DEPDC1B: variants seen among roughly 807,000 people sequenced by gnomAD.
DEPDC1B encodes DEP domain containing 1B.
A neutral mutation model predicts 66.5 loss-of-function variants in DEPDC1B; 51 were observed. The observed-to-expected ratio is 0.77, with a 90% CI of 0.61 to 0.97. DEPDC1B has a LOEUF of 0.97. DEPDC1B is among the 50% of genes least tolerant of loss of function. The pLI, the probability that DEPDC1B is intolerant of heterozygous loss-of-function variation, is 0.00. For synonymous variants in DEPDC1B, 226 were observed against 223.6 expected (o/e 1.01, Z -0.10); for missense variants, 552 against 637.1 (o/e 0.87, Z 1.44).
chr5:60,641,349 CTTT>C (rs11326495), intron 6 of DEPDC1B, among the ~76,000 whole-genome samples: 14 of 128,616 alleles, frequency 1.1e-4, no homozygotes, highest in Admixed American at 1.6e-4. Flanking sequence ...TGATCAACTT[CTTT>C]TTTTTTTTTT....
intron 9 of DEPDC1B, among the ~76,000 whole-genome samples, chr5:60,602,188 G>A (rs1472015290): frequency 6.7e-6 from 1 of 149,576 alleles, no homozygotes; most frequent in Non-Finnish European, 1.5e-5. Flanking sequence ...GGGAGGGTGG[G>A]GAGGGAAGAG....
At chr5:60,645,421 C>CAGA (rs751535952) in intron 4 of DEPDC1B, 71 bp downstream of exon 4, 26 of 1,375,546 alleles carry the variant, frequency 1.9e-5, no homozygotes, top group Non-Finnish European at 2.4e-5. Flanking sequence ...ATTAAATATG[C>CAGA]AGAGAGTGAA....
intron 2 of DEPDC1B, among the ~76,000 whole-genome samples, chr5:60,678,207 C>G (rs73759370): frequency 0.019 from 2,855 of 151,984 alleles, 108 homozygotes; most frequent in African/African-American, 0.066. Context: ...AATCAAGAAA[C>G]AGAACTATTC....
intron 7 of DEPDC1B, among the ~76,000 whole-genome samples, chr5:60,621,660 G>A (rs1031995269): frequency 6.6e-6 from 1 of 152,038 alleles, no homozygotes; most frequent in African/African-American, 2.4e-5. Context: ...TTGTGCACAT[G>A]TACCCTAGAA....
rs1368618258 is a variant in DEPDC1B, at chr5:60,634,806, A to G, written c.898+3944T>C. Among the ~76,000 whole-genome samples, 3 of 152,236 alleles carry G rather than the reference A, an allele frequency of 2.0e-5. No homozygotes were observed. The South Asian group carries it at 6.2e-4, about 32-fold the overall frequency. ...TTTAATGAGTACCTAACTCCACTTTATTCTGACAATCTTGGTAGGCAGCAA... is the reference window on the plus strand; with the variant it reads ...TTTAATGAGTACCTAACTCCACTTTGTTCTGACAATCTTGGTAGGCAGCAA... On this transcript the variant is annotated intron_variant, in intron 7 of 10. Coordinates refer to ENST00000265036, the MANE Select transcript of DEPDC1B (RefSeq NM_018369.3).
intron 7 of DEPDC1B, among the ~76,000 whole-genome samples, chr5:60,621,480 A>G (rs1284952248): frequency 1.3e-5 from 2 of 151,944 alleles, no homozygotes; most frequent in African/African-American, 4.8e-5. Flanking sequence ...CACTCATTGA[A>G]CAATGAGAAC....
chr5:60,641,307 G>A (rs193103352), intron 6 of DEPDC1B, among the ~76,000 whole-genome samples: 129 of 151,244 alleles, frequency 8.5e-4, no homozygotes, highest in African/African-American at 2.9e-3. Context: ...AGACTAGATT[G>A]GTTATACTAG....
intron 1 of DEPDC1B, among the ~76,000 whole-genome samples, chr5:60,699,799 GC>G (rs1245401033): frequency 6.6e-6 from 1 of 152,208 alleles, no homozygotes; most frequent in African/African-American, 2.4e-5. Context: ...GCCATCTACT[GC>G]CGAGAACCCA....
chr5:60,614,112 G>A lies in DEPDC1B; in HGVS notation c.899-8256C>T, dbSNP rs186698211. Reference sequence around the variant, plus strand: ...TTCTCTTTCACTCCTATAAAAGAGGGCAACAGAAGTCTGAACTTGTTTGTT... The same window carrying A: ...TTCTCTTTCACTCCTATAAAAGAGGACAACAGAAGTCTGAACTTGTTTGTT... On this transcript the variant is annotated intron_variant, in intron 7 of 10. Coordinates refer to ENST00000265036, the MANE Select transcript of DEPDC1B (RefSeq NM_018369.3). Among the ~76,000 whole-genome samples, 104 of 152,186 alleles carry A rather than the reference G, an allele frequency of 6.8e-4. 1 individual carries two copies. Among genetic ancestry groups the A allele is most frequent in the African/African-American group, 2.5e-3 (102 of 41,530 alleles).
chr5:60,650,453 G>T (rs1013390111), intron 2 of DEPDC1B, among the ~76,000 whole-genome samples: 1 of 152,104 alleles, frequency 6.6e-6, no homozygotes. Flanking sequence ...AAGCATCCCT[G>T]GCCTCTACTC....
chr5:60,632,205 G>C (rs990915146), intron 7 of DEPDC1B, among the ~76,000 whole-genome samples: 3 of 152,212 alleles, frequency 2.0e-5, no homozygotes, highest in African/African-American at 7.2e-5. Flanking sequence ...TGTCGGGGCA[G>C]CCCAGGCCAC....
intron 1 of DEPDC1B, 146 bp from the exon 2 acceptor site, chr5:60,687,373 G>T: frequency 9.5e-7 from 1 of 1,048,982 alleles, no homozygotes; most frequent in Non-Finnish European, 1.3e-6. Context: ...TTATTTACAG[G>T]CTTCAAACTC....
intron 7 of DEPDC1B, among the ~76,000 whole-genome samples, chr5:60,608,302 T>C (rs993198824): frequency 7.2e-5 from 11 of 152,146 alleles, no homozygotes; most frequent in Non-Finnish European, 1.3e-4. Flanking sequence ...CCTTACTGCA[T>C]TGTATCTACA....
At chr5:60,672,456 AAG>A (rs955803419) in intron 2 of DEPDC1B, among the ~76,000 whole-genome samples, 1 of 152,218 alleles carries the variant, frequency 6.6e-6, no homozygotes, top group Non-Finnish European at 1.5e-5. Context: ...GAGAGAAAGA[AAG>A]AGCGCAAAGG....
chr5:60,646,872 T>C (rs951604527), intron 3 of DEPDC1B, among the ~76,000 whole-genome samples: 3 of 152,152 alleles, frequency 2.0e-5, no homozygotes, highest in African/African-American at 7.2e-5. Context: ...GGGATCTAAG[T>C]TGTGTGCTCC....
chr5:60,624,072 T>A (rs935833567), intron 7 of DEPDC1B, among the ~76,000 whole-genome samples: 5 of 152,164 alleles, frequency 3.3e-5, no homozygotes, highest in Admixed American at 2.0e-4. Context: ...TGTCTTTTTC[T>A]GACCATAGGG....
chr5:60,630,181 A>G (rs972864400), intron 7 of DEPDC1B, among the ~76,000 whole-genome samples: 1 of 152,214 alleles, frequency 6.6e-6, no homozygotes, highest in Non-Finnish European at 1.5e-5. Flanking sequence ...TTTTCTCAAA[A>G]TGGTTTATTA....
chr5:60,634,969 G>A (rs1377591687), intron 7 of DEPDC1B, among the ~76,000 whole-genome samples: 4 of 149,130 alleles, frequency 2.7e-5, no homozygotes, highest in Non-Finnish European at 5.9e-5. Flanking sequence ...TGAGGCAAAA[G>A]AATCACTTGA....
At chr5:60,599,814 T>C (rs1752168046) in intron 9 of DEPDC1B, among the ~76,000 whole-genome samples, 1 of 152,208 alleles carries the variant, frequency 6.6e-6, no homozygotes, top group South Asian at 2.1e-4. Context: ...TTTTAGTAAA[T>C]CTTATGACTG....
Sources: allele counts gnomAD v4.1 joint callset (sites outside exome capture counted in the v4.1 genomes callset), GRCh38; gene constraint gnomAD v4.1.1; transcripts MANE v1.5; gene names NCBI Gene and HGNC (gene_info 2026-07-23, HGNC 2026-07-21).